CCDC88A: variants seen among roughly 807,000 people sequenced by gnomAD.
CCDC88A encodes the protein girdin.
A neutral mutation model predicts 234.3 loss-of-function variants in CCDC88A; 54 were observed. The ratio of observed to expected loss-of-function variants is 0.23; its 90% confidence interval spans 0.19 to 0.29. CCDC88A has a LOEUF of 0.29. Among genes scored for constraint, CCDC88A ranks in the 10% least tolerant of loss-of-function variants. The pLI, the probability that CCDC88A is intolerant of heterozygous loss-of-function variation, is 1.00. For missense variants in CCDC88A, 1,832 were observed against 2,123.4 expected, an observed-to-expected ratio of 0.86 and a Z score of 2.70; for synonymous variants, 753 against 737.8, an observed-to-expected ratio of 1.02 and a Z score of -0.33.
chr2:55,319,060 T>C (rs1683298153), intron 18 of CCDC88A, 56 bp from the exon 19 acceptor site: 42 of 1,444,330 alleles, frequency 2.9e-5, no homozygotes, highest in South Asian at 3.7e-5. Context: ...ACATCAAATA[T>C]GTTTCTATAG....
chr2:55,346,409 TTTTATTTA>T (rs562114439), intron 9 of CCDC88A, 76 bp from the exon 10 acceptor site: 11 of 797,146 alleles, frequency 1.4e-5, no homozygotes, highest in Admixed American at 9.4e-5. Context: ...CAATTTGAAA[TTTTATTTA>T]TTTATTTATT....
Position 55,301,406 on chromosome 2 carries a change from T to A in CCDC88A, c.4673-129A>T, listed in dbSNP as rs528470492. 2.7e-5 allele frequency: 15 copies of A among 557,454 alleles called. No homozygotes were observed. In the African/African-American group the frequency reaches 2.8e-4, roughly 10 times the overall value. The allele number at this position is 557,454 out of a possible 1,614,324, so 34.5% of individuals were successfully genotyped here. ...ATACAGATTGACTTAACATATTTCA[T>A]AGACTCAACTAGAAACTGGAACTAG... On this transcript the variant is annotated intron_variant, in intron 27 of 32. Transcript: ENST00000436346.
intron 5 of CCDC88A, among the ~76,000 whole-genome samples, chr2:55,365,646 C>T (rs930212453): frequency 6.6e-6 from 1 of 152,112 alleles, no homozygotes; most frequent in African/African-American, 2.4e-5. Context: ...TTGTAACACA[C>T]ACGATTTCTA....
intron 2 of CCDC88A, among the ~76,000 whole-genome samples, chr2:55,408,280 C>G (rs1218392052): frequency 6.6e-6 from 1 of 152,046 alleles, no homozygotes; most frequent in Admixed American, 6.6e-5. Context: ...CACTTCTAAC[C>G]TACTCTTCCT....
chr2:55,336,649 T>G (rs748338596), intron 14 of CCDC88A, 32 bp downstream of exon 14: 1 of 1,379,642 alleles, frequency 7.2e-7, no homozygotes, highest in Admixed American at 2.5e-5. Flanking sequence ...AATTTTAAAA[T>G]ACATTGTTTA....
intron 3 of CCDC88A, among the ~76,000 whole-genome samples, chr2:55,384,122 C>T (rs1675061575): frequency 6.6e-6 from 1 of 151,746 alleles, no homozygotes; most frequent in South Asian, 2.1e-4. Flanking sequence ...TTGCTTGAGC[C>T]CAGAAGGTCT....
At chr2:55,391,232 G>C (rs1030332877) in intron 2 of CCDC88A, among the ~76,000 whole-genome samples, 2 of 152,146 alleles carry the variant, frequency 1.3e-5, no homozygotes, top group Non-Finnish European at 2.9e-5. Context: ...CAGCAGCTGA[G>C]TAAAAGCTAT....
intron 23 of CCDC88A, among the ~76,000 whole-genome samples, chr2:55,310,010 C>G (rs530951218): frequency 6.6e-6 from 1 of 151,936 alleles, no homozygotes; most frequent in East Asian, 1.9e-4. Context: ...TCTTAGATCA[C>G]GAAATAAAGC....
In CCDC88A at chr2:55,337,779, G is replaced by C. The variant is rs1398915848; in HGVS notation, c.1519-961C>G. 3.9e-5 allele frequency: 6 copies of C among 152,264 alleles called. No homozygotes were observed. In the South Asian group the frequency reaches 1.0e-3, roughly 26 times the overall value. 9.4% of individuals were successfully genotyped at this position (152,264 alleles called of 1,614,324 possible). A position where few individuals can be genotyped will look rare whatever the true frequency, so the allele number is the denominator to read the frequency against. ...TGCTTAAGCCTGAGAAGCAGAGGTT[G>C]CAGTGAGCTGAGATCGCACCACTGC... On this transcript the variant is annotated intron_variant, in intron 13 of 32. Transcript: ENST00000436346.
Position 55,378,738 on chromosome 2 carries a change from CTTTTTTTTTTTT to C in CCDC88A, c.274-3867_274-3856del, listed in dbSNP as rs79242911. 1.3e-3 allele frequency among the ~76,000 whole-genome samples: 189 copies of C among 142,786 alleles called. No individual in the cohort carries two copies. The Middle Eastern group carries it at 0.018, about 13-fold the overall frequency. The allele number at this position is 142,786 out of a possible 152,430, so 93.7% of individuals were successfully genotyped here. ...TCAGAGGATTTTTTATACACATATA[CTTTTTTTTTTTT>C]TTTTTTTTTTTTTGAGACGGAGTCT... On this transcript the variant is annotated intron_variant, in intron 3 of 32. Transcript: ENST00000436346.
chr2:55,336,897 T>C, intron 13 of CCDC88A, 79 bp from the exon 14 acceptor site: 1 of 882,642 alleles, frequency 1.1e-6, no homozygotes, highest in Non-Finnish European at 1.7e-6. Flanking sequence ...ACATAATCGC[T>C]GAATAAAGGA....
rs753310141 is a variant in CCDC88A, at chr2:55,296,242, C to G, written c.5091+16G>C. On this transcript the variant is annotated intron_variant, in intron 30 of 32. Coordinates refer to ENST00000436346, the MANE Select transcript of CCDC88A (RefSeq NM_001365480.1). ...TGGTGTTCATCTAAATTAAGGTCAT[C>G]ATAGATAAAACTAACCTGTACTGAG... is the stretch of plus-strand genomic sequence containing the variant. The G allele has an allele frequency of 9.3e-6, 15 of 1,607,490 alleles. No individual in the cohort carries two copies. The highest frequency in any genetic ancestry group is 1.3e-5 in the Non-Finnish European group (15 of 1,176,992).
At chr2:55,367,661 G>A (rs191088968) in intron 5 of CCDC88A, among the ~76,000 whole-genome samples, 54 of 151,218 alleles carry the variant, frequency 3.6e-4, no homozygotes, top group South Asian at 2.3e-3. Flanking sequence ...TGAGACTAAA[G>A]GCGCATCATT....
intron 3 of CCDC88A, among the ~76,000 whole-genome samples, chr2:55,375,390 C>T (rs919463200): frequency 3.3e-5 from 5 of 150,018 alleles, no homozygotes; most frequent in African/African-American, 1.2e-4. Context: ...AAAGTTCGAG[C>T]ATGTGTGCTC....
chr2:55,361,232 A>G (rs960771831), intron 7 of CCDC88A, among the ~76,000 whole-genome samples: 2 of 152,208 alleles, frequency 1.3e-5, no homozygotes, highest in Admixed American at 6.5e-5. Flanking sequence ...TAGAGAACGC[A>G]TAAATCAGTA....
In CCDC88A at chr2:55,288,990, A is replaced by T. The variant is rs886227118; in HGVS notation, c.*2210T>A. On this transcript the variant is annotated 3_prime_UTR_variant, in exon 33 of 33. Transcript: ENST00000436346. ...ATGGTATGAAAAAAGTGTGATGAAT[A>T]TAATTGAGATTATTCATATTTTTGT... is the stretch of plus-strand genomic sequence containing the variant. The T allele has an allele frequency of 1.3e-5, 2 of 152,406 alleles. No homozygotes were observed. The highest frequency in any genetic ancestry group is 2.4e-5 in the African/African-American group (1 of 41,456). The allele number at this position is 152,406 out of a possible 1,614,324, so 9.4% of individuals were successfully genotyped here. A position where few individuals can be genotyped will look rare whatever the true frequency, so the allele number is the denominator to read the frequency against.
intron 3 of CCDC88A, among the ~76,000 whole-genome samples, chr2:55,387,430 G>GA (rs1328842527): frequency 6.6e-6 from 1 of 151,874 alleles, no homozygotes; most frequent in Non-Finnish European, 1.5e-5. Flanking sequence ...AGTCACCTCT[G>GA]AAAAAACAGG....
chr2:55,352,301 A>G (rs547126459), intron 8 of CCDC88A, among the ~76,000 whole-genome samples: 2 of 152,074 alleles, frequency 1.3e-5, no homozygotes, highest in Admixed American at 1.3e-4. Context: ...GTGGTGGTGC[A>G]TGCCTGTAAT....
intron 2 of CCDC88A, among the ~76,000 whole-genome samples, chr2:55,395,402 T>C (rs763511661): frequency 3.3e-5 from 5 of 152,220 alleles, no homozygotes; most frequent in Admixed American, 6.5e-5. Flanking sequence ...CTCCACTCTA[T>C]GGTATAACTA....
Sources: allele counts gnomAD v4.1 joint callset (sites outside exome capture counted in the v4.1 genomes callset), GRCh38; gene constraint gnomAD v4.1.1; transcripts MANE v1.5; gene names NCBI Gene and HGNC (gene_info 2026-07-23, HGNC 2026-07-21).